The following RAB31 variants were observed in gnomAD, a reference collection of about 807,000 sequenced individuals.
The protein encoded by RAB31 is ras-related protein Rab-31.
In RAB31, 21 loss-of-function variants were observed where a neutral mutation model predicts 25.6. The observed-to-expected ratio is 0.82, with a 90% CI of 0.58 to 1.18. The LOEUF (loss-of-function observed/expected upper bound fraction) is 1.18. Among genes scored for constraint, RAB31 ranks in the 50% most tolerant of loss-of-function variants. RAB31 has a pLI of 0.00. For missense variants in RAB31, 196 were observed against 250.1 expected, an observed-to-expected ratio of 0.78 and a Z score of 1.46; for synonymous variants, 87 against 84.0, an observed-to-expected ratio of 1.04 and a Z score of -0.20.
intron 1 of RAB31, among the ~76,000 whole-genome samples, chr18:9,763,196 A>T (rs2068297971): frequency 6.6e-6 from 1 of 152,168 alleles, no homozygotes; most frequent in Non-Finnish European, 1.5e-5. Context: ...TGGCCGTAAC[A>T]TGTGTCCTTG....
In RAB31 at chr18:9,766,395, A is replaced by G. The variant is rs1045949343; in HGVS notation, c.40-8883A>G. 6.6e-6 allele frequency among the ~76,000 whole-genome samples: 1 copy of G among 151,994 alleles called. No homozygotes were observed. Among genetic ancestry groups the G allele is most frequent in the African/African-American group, 2.4e-5 (1 of 41,434 alleles). On this transcript the variant is annotated intron_variant, in intron 1 of 6. Transcript: ENST00000578921. The surrounding 1 kb of genome is among the most constrained non-coding windows in gnomAD (Gnocchi z 4.3). ...CTATGCACTGCCTTCGCTTGCAGGC[A>G]TCTCCACACAAGGACCTGCCTGGCA...
intron 1 of RAB31, chr18:9,723,844 T>C (rs1314197914): frequency 1.3e-5 from 2 of 152,198 alleles, no homozygotes; most frequent in Non-Finnish European, 2.9e-5. Flanking sequence ...AGTGTATTCA[T>C]AATGATCCAT....
At chr18:9,833,288 C>T (rs2068688370) in intron 5 of RAB31, among the ~76,000 whole-genome samples, 1 of 152,206 alleles carries the variant, frequency 6.6e-6, no homozygotes, top group Non-Finnish European at 1.5e-5. Flanking sequence ...GTTCCAGCTT[C>T]TCCGGGGTGG....
chr18:9,850,789 C>A (rs2068785319), intron 6 of RAB31, among the ~76,000 whole-genome samples: 1 of 152,042 alleles, frequency 6.6e-6, no homozygotes, highest in Non-Finnish European at 1.5e-5. Flanking sequence ...TCACTTGGGC[C>A]CAGGAGTTTG....
chr18:9,859,154 G>A, intron 6 of RAB31, 74 bp from the exon 7 acceptor site: 1 of 1,288,146 alleles, frequency 7.8e-7, no homozygotes, highest in South Asian at 1.2e-5. Flanking sequence ...GAGTGTTGAA[G>A]CAGGGTGAAA....
chr18:9,758,613 G>A (rs565343439), intron 1 of RAB31, among the ~76,000 whole-genome samples: 16 of 152,210 alleles, frequency 1.1e-4, no homozygotes, highest in African/African-American at 2.9e-4. Context: ...TGTCACAGTC[G>A]ATGCTACTTC....
At chr18:9,773,133 G>A (rs576963072) in intron 1 of RAB31, among the ~76,000 whole-genome samples, 1 of 152,256 alleles carries the variant, frequency 6.6e-6, no homozygotes, top group Admixed American at 6.5e-5. Flanking sequence ...CTTGGGAGGC[G>A]AGACCTTCTG....
chr18:9,739,370 G>T (rs2068166330), intron 1 of RAB31, among the ~76,000 whole-genome samples: 2 of 152,134 alleles, frequency 1.3e-5, no homozygotes, highest in Non-Finnish European at 1.5e-5. Flanking sequence ...TACTCAGGAG[G>T]CTGAGGCAGG....
intron 5 of RAB31, among the ~76,000 whole-genome samples, chr18:9,824,326 ATG>A (rs1440237214): frequency 1.5e-5 from 2 of 133,420 alleles, no homozygotes; most frequent in African/African-American, 2.7e-5. Context: ...GTGTAGATGT[ATG>A]TGTGTATAAA....
chr18:9,735,001 T>G, intron 1 of RAB31: 1 of 210,868 alleles, frequency 4.7e-6, no homozygotes, highest in Non-Finnish European at 1.0e-5. Context: ...CGGTGGTTTT[T>G]TGTTGTCGTC....
chr18:9,768,796 CCTAGGTTTCTT>C (rs2145487469), intron 1 of RAB31, among the ~76,000 whole-genome samples: 1 of 152,212 alleles, frequency 6.6e-6, no homozygotes, highest in Non-Finnish European at 1.5e-5. Context: ...AATGGTATTG[CCTAGGTTTCTT>C]CTAGGGTTTT....
At chr18:9,826,725 T>TA (rs2068651793) in intron 5 of RAB31, among the ~76,000 whole-genome samples, 1 of 152,246 alleles carries the variant, frequency 6.6e-6, no homozygotes, top group African/African-American at 2.4e-5. Flanking sequence ...GACTCCCTTA[T>TA]ATCCAGCCTG....
chr18:9,755,037 ACTGTTTTCCCAGC>A (rs767133006), intron 1 of RAB31, among the ~76,000 whole-genome samples: 48 of 152,222 alleles, frequency 3.2e-4, no homozygotes, highest in Non-Finnish European at 4.0e-4. Context: ...GGTTTTCCCA[ACTGTTTTCCCAGC>A]CTGTTTTCCC....
rs573417790 is a variant in RAB31 at position 9,850,061 on chromosome 18, G to A, written c.490+4370G>A. ...AATCCAGGAGAGAAGTGGCTTGGAC[G>A]AGGGTGGAGGAAGTGGAGCTGGATT... On this transcript the variant is annotated intron_variant, in intron 6 of 6. Coordinates refer to ENST00000578921, the MANE Select transcript of RAB31 (RefSeq NM_006868.4). Among the ~76,000 whole-genome samples the A allele has an allele frequency of 1.9e-4, 29 of 152,334 alleles. 1 individual carries two copies. The highest frequency in any genetic ancestry group is 1.4e-3 in the South Asian group (7 of 4,832).
At chr18:9,783,204 T>G (rs1033429200) in intron 2 of RAB31, among the ~76,000 whole-genome samples, 2 of 152,150 alleles carry the variant, frequency 1.3e-5, no homozygotes, top group Non-Finnish European at 2.9e-5. Flanking sequence ...ACAAACACCT[T>G]CTATTCAATG....
intron 1 of RAB31, among the ~76,000 whole-genome samples, chr18:9,750,974 C>T (rs930071977): frequency 5.9e-5 from 9 of 152,090 alleles, no homozygotes; most frequent in Middle Eastern, 3.2e-3. Flanking sequence ...ACTCCTGGAA[C>T]GAGGCATCAT....
intron 1 of RAB31, among the ~76,000 whole-genome samples, chr18:9,721,221 TC>T (rs1159447681): frequency 6.6e-6 from 1 of 152,236 alleles, no homozygotes; most frequent in African/African-American, 2.4e-5. Flanking sequence ...TCCTGTATCT[TC>T]CAGGTCATCA....
chr18:9,770,332 GC>G (rs1259558231), intron 1 of RAB31, among the ~76,000 whole-genome samples: 1 of 152,186 alleles, frequency 6.6e-6, no homozygotes, highest in Non-Finnish European at 1.5e-5. Context: ...GAAGGCCGTT[GC>G]AGGAGTCCAG....
chr18:9,736,153 T>A (rs35354526), intron 1 of RAB31, among the ~76,000 whole-genome samples: 23,985 of 151,968 alleles, frequency 0.16, 2,013 homozygotes, highest in South Asian at 0.17. Flanking sequence ...TCATTAAAAA[T>A]TTTTTTTAGA....
Sources: allele counts gnomAD v4.1 joint callset (sites outside exome capture counted in the v4.1 genomes callset), GRCh38; gene constraint gnomAD v4.1.1; non-coding constraint Gnocchi (gnomAD v3.1); transcripts MANE v1.5; gene names NCBI Gene and HGNC (gene_info 2026-07-23, HGNC 2026-07-21).